PDE1C: variants seen among roughly 807,000 people sequenced by gnomAD.
PDE1C encodes dual specificity calcium/calmodulin-dependent 3',5'-cyclic nucleotide phosphodiesterase 1C.
PDE1C carries 62 observed loss-of-function variants against 93.1 expected under a neutral mutation model. The ratio of observed to expected loss-of-function variants is 0.67; its 90% CI spans 0.54 to 0.82. PDE1C has a LOEUF of 0.82. Ranked by LOEUF, PDE1C falls within the 40% of genes least tolerant of loss-of-function variation. The pLI is 0.00. For missense variants in PDE1C, 742 were observed against 884.6 expected (o/e 0.84, Z 2.04); for synonymous variants, 325 against 310.1 (o/e 1.05, Z -0.50).
the PDE1C span, among the ~76,000 whole-genome samples, chr7:31,622,124 A>G: frequency 3.6e-5 from 5 of 137,370 alleles, no homozygotes; most frequent in Non-Finnish European, 7.9e-5. Context: ...AGTGACCTAC[A>G]AAGAGACTTA....
chr7:32,339,960 G>A (rs560654441), intron 1 of PDE1C, among the ~76,000 whole-genome samples: 1 of 152,266 alleles, frequency 6.6e-6, no homozygotes, highest in Admixed American at 6.5e-5. Context: ...CCGTGAGCAG[G>A]TGCAGAGTTG....
chr7:32,267,584 ACACTCTCTCTCT>A (rs1185189036), intron 1 of PDE1C, among the ~76,000 whole-genome samples: 4,273 of 113,036 alleles, frequency 0.038, 101 homozygotes, highest in Non-Finnish European at 0.045. Flanking sequence ...ACACACACAC[ACACTCTCTCTCT>A]CTCTCTCTCT....
chr7:32,196,180 G>T (rs1804600177), intron 2 of PDE1C, among the ~76,000 whole-genome samples: 1 of 152,192 alleles, frequency 6.6e-6, no homozygotes, highest in Admixed American at 6.5e-5. Flanking sequence ...GCCAGCAAGG[G>T]TGTTGAGATA....
intron 3 of PDE1C, among the ~76,000 whole-genome samples, chr7:32,108,301 A>G (rs73100664): frequency 0.2 from 29,961 of 150,056 alleles, 3,662 homozygotes; most frequent in Middle Eastern, 0.3. Flanking sequence ...AAACTATCAC[A>G]TTTACCTTCA....
chr7:31,885,598 A>G (rs1317843253), intron 2 of PDE1C, among the ~76,000 whole-genome samples: 1 of 152,182 alleles, frequency 6.6e-6, no homozygotes, highest in Non-Finnish European at 1.5e-5. Context: ...ACACCAATCA[A>G]CATGTGGGAT....
chr7:32,091,051 T>C (rs1797441913), intron 3 of PDE1C, among the ~76,000 whole-genome samples: 1 of 152,254 alleles, frequency 6.6e-6, no homozygotes, highest in Non-Finnish European at 1.5e-5. Flanking sequence ...TTGCATTACA[T>C]CCTCTTTACA....
At chr7:31,906,071 A>G (rs1800555268) in intron 2 of PDE1C, among the ~76,000 whole-genome samples, 1 of 152,112 alleles carries the variant, frequency 6.6e-6, no homozygotes, top group South Asian at 2.1e-4. Flanking sequence ...TCCTTTATAA[A>G]TTACCCAGTC....
At chr7:31,873,829 C>G (rs576812651) in intron 5 of PDE1C, among the ~76,000 whole-genome samples, 18 of 152,290 alleles carry the variant, frequency 1.2e-4, no homozygotes, top group Middle Eastern at 3.4e-3. Context: ...GGTTGGATGC[C>G]TAAGATCAGT....
chr7:31,659,399 C>T, the PDE1C span, among the ~76,000 whole-genome samples: 1 of 152,314 alleles, frequency 6.6e-6, no homozygotes, highest in South Asian at 2.1e-4. Flanking sequence ...GGGGCAGCAG[C>T]AGCACTCTGA....
intron 1 of PDE1C, among the ~76,000 whole-genome samples, chr7:32,251,864 G>A (rs947049501): frequency 2.0e-5 from 3 of 152,132 alleles, no homozygotes; most frequent in East Asian, 1.9e-4. Flanking sequence ...TCAGCCCAGG[G>A]TGTCACCTGC....
At chr7:31,948,236 G>A (rs937845308) in intron 2 of PDE1C, among the ~76,000 whole-genome samples, 2 of 152,180 alleles carry the variant, frequency 1.3e-5, no homozygotes, top group Non-Finnish European at 2.9e-5. Context: ...TGACTCATGT[G>A]AGAGTTCTTG....
the PDE1C span, among the ~76,000 whole-genome samples, chr7:31,736,845 A>G: frequency 2.0e-5 from 3 of 152,202 alleles, no homozygotes; most frequent in African/African-American, 7.2e-5. Flanking sequence ...GGGGAGGCCG[A>G]ATCAAGTTTC....
chr7:31,753,782 G>C (rs1289842815), intron 17 of PDE1C, among the ~76,000 whole-genome samples: 10 of 152,204 alleles, frequency 6.6e-5, no homozygotes, highest in Non-Finnish European at 1.5e-4. Context: ...GAGATACAGT[G>C]ATAACTGCAG....
intron 2 of PDE1C, among the ~76,000 whole-genome samples, chr7:32,192,564 C>A (rs933872401): frequency 6.6e-6 from 1 of 152,106 alleles, no homozygotes; most frequent in Non-Finnish European, 1.5e-5. Context: ...TGTGCTTTCA[C>A]CAATACCACT....
chr7:31,973,967 A>T, intron 2 of PDE1C, among the ~76,000 whole-genome samples: 1 of 152,198 alleles, frequency 6.6e-6, no homozygotes, highest in East Asian at 1.9e-4. Flanking sequence ...TGTTTTATTA[A>T]GATTTTCTTT....
At chr7:32,390,541 G>GA (rs753651084) in intron 1 of PDE1C, among the ~76,000 whole-genome samples, 12,856 of 92,628 alleles carry the variant, frequency 0.14, 1,097 homozygotes, top group African/African-American at 0.27. Flanking sequence ...AGTGATCATT[G>GA]AAAAAAAAAA....
At chr7:31,707,312 T>C in the PDE1C span, 931 of 1,584,324 alleles carry the variant, frequency 5.9e-4, 5 homozygotes, top group African/African-American at 0.011. Context: ...CACTTGTAAA[T>C]AGGTTAGATT....
chr7:32,278,127 CAA>C (rs10626490), intron 1 of PDE1C, among the ~76,000 whole-genome samples: 1 of 136,062 alleles, frequency 7.3e-6, no homozygotes, highest in Non-Finnish European at 1.5e-5. Flanking sequence ...AACGAGTTGC[CAA>C]AAAAAAAAAA....
the PDE1C span, among the ~76,000 whole-genome samples, chr7:31,627,790 A>T: frequency 6.6e-6 from 1 of 152,126 alleles, no homozygotes; most frequent in Non-Finnish European, 1.5e-5. Context: ...TTATGTCCCT[A>T]AAAACAAAAA....
Sources: gnomAD v4.1 joint callset for allele counts (sites outside exome capture counted in the v4.1 genomes callset) on GRCh38, gnomAD v4.1.1 for gene constraint, MANE v1.5 for transcripts, NCBI Gene and HGNC (gene_info 2026-07-23, HGNC 2026-07-21) for gene names.